Variants in KIT observed in about 807,000 individuals in gnomAD.
The protein encoded by KIT is mast/stem cell growth factor receptor Kit.
KIT carries 16 observed loss-of-function variants against 105.7 expected under a neutral mutation model. The ratio of observed to expected loss-of-function variants is 0.15; its 90% confidence interval spans 0.10 to 0.23. KIT has a LOEUF of 0.23. Ranked by LOEUF, KIT falls within the 10% of genes least tolerant of loss-of-function variation. KIT has a pLI of 1.00. For synonymous variants in KIT, 438 were observed against 441.1 expected (o/e 0.99, Z 0.09); for missense variants, 858 against 1,213.8 (o/e 0.71, Z 4.36).
chr4:54,697,135 A>C (rs142913569), intron 2 of KIT, among the ~76,000 whole-genome samples: 40 of 152,312 alleles, frequency 2.6e-4, no homozygotes, highest in African/African-American at 8.9e-4. Flanking sequence ...TAGGAGCTAG[A>C]CTCAAGTGAC....
chr4:54,711,899 A>C (rs1304452252), intron 7 of KIT, among the ~76,000 whole-genome samples: 2 of 150,908 alleles, frequency 1.3e-5, no homozygotes, highest in African/African-American at 4.9e-5. Flanking sequence ...GTTGCACTCC[A>C]GCCTGGGCGA....
At chr4:54,689,181 A>T (rs1324950960) in intron 1 of KIT, among the ~76,000 whole-genome samples, 1 of 152,236 alleles carries the variant, frequency 6.6e-6, no homozygotes, top group African/African-American at 2.4e-5. Context: ...AGCGACCCAT[A>T]TAAAGCCTTT....
intron 1 of KIT, among the ~76,000 whole-genome samples, chr4:54,668,384 G>A (rs912456726): frequency 1.3e-5 from 2 of 152,228 alleles, no homozygotes; most frequent in African/African-American, 4.8e-5. Flanking sequence ...CCTTTACCTT[G>A]TATTTTAAAT....
chr4:54,696,995 C>T (rs1720114170), intron 2 of KIT, among the ~76,000 whole-genome samples: 1 of 152,200 alleles, frequency 6.6e-6, no homozygotes, highest in Admixed American at 6.5e-5. Context: ...TCTAACAGGG[C>T]TCACAAACAT....
At chr4:54,660,902 G>A (rs1244491591) in intron 1 of KIT, among the ~76,000 whole-genome samples, 1 of 152,148 alleles carries the variant, frequency 6.6e-6, no homozygotes, top group Non-Finnish European at 1.5e-5. Flanking sequence ...ATACAGGATG[G>A]CCAATGTCAC....
chr4:54,685,523 G>A (rs915547601), intron 1 of KIT, among the ~76,000 whole-genome samples: 1 of 152,040 alleles, frequency 6.6e-6, no homozygotes, highest in Non-Finnish European at 1.5e-5. Flanking sequence ...CTCTTTTCTG[G>A]GTCGCTGACT....
intron 17 of KIT, among the ~76,000 whole-genome samples, chr4:54,736,268 C>T (rs1236213724): frequency 1.3e-5 from 2 of 152,122 alleles, no homozygotes; most frequent in African/African-American, 2.4e-5. Flanking sequence ...ATCTCCATGC[C>T]GTACTGACAT....
chr4:54,697,862 C>T (rs1401028545), intron 2 of KIT, among the ~76,000 whole-genome samples: 1 of 152,140 alleles, frequency 6.6e-6, no homozygotes, highest in Non-Finnish European at 1.5e-5. Context: ...CAGATGATCC[C>T]TGGAGTTGTA....
At position 54,705,075 on chromosome 4, in the gene KIT, A is replaced by G. The variant is rs563060474; in HGVS notation, c.925+1183A>G. The stretch of plus-strand genomic sequence containing the variant: ...CATTTATTAATTTGAATAGAAGGCT[A>G]TGCTTTTAAAATATTAAACTCCATA... On this transcript the variant is annotated intron_variant, in intron 5 of 20. Transcript: ENST00000288135. 7.7e-4 allele frequency among the ~76,000 whole-genome samples: 117 copies of G among 152,372 alleles called. 1 individual carries two copies. The highest frequency in any genetic ancestry group is 2.5e-3 in the African/African-American group (105 of 41,594).
Position 54,739,586 on chromosome 4 carries a change from T to A in KIT, c.*1029T>A. On this transcript the variant is annotated 3_prime_UTR_variant, in exon 21 of 21. Transcript: ENST00000288135. The stretch of plus-strand genomic sequence containing the variant: ...ACACTGCCATCTTAGTTTGGATTCT[T>A]ATGTAGCAGGAAATAAAGTATAGGT... 1 of 233,544 alleles carries A rather than the reference T, an allele frequency of 4.3e-6. No homozygotes were observed. Among genetic ancestry groups the A allele is most frequent in the Non-Finnish European group, 8.5e-6 (1 of 117,936 alleles). 14.5% of individuals were successfully genotyped at this position (233,544 alleles called of 1,614,324 possible). A position where few individuals can be genotyped will look rare whatever the true frequency, so the allele number is the denominator to read the frequency against.
intron 5 of KIT, among the ~76,000 whole-genome samples, chr4:54,705,181 G>T (rs1285090899): frequency 6.6e-6 from 1 of 152,178 alleles, no homozygotes; most frequent in African/African-American, 2.4e-5. Context: ...AGGATGTTTT[G>T]AGAACATTGT....
chr4:54,700,629 T>A (rs1234591414), intron 4 of KIT, among the ~76,000 whole-genome samples: 1 of 152,136 alleles, frequency 6.6e-6, no homozygotes, highest in Non-Finnish European at 1.5e-5. Context: ...TCATTACCCA[T>A]GCAAGCATTA....
chr4:54,729,262 G>C (rs1722432867), intron 13 of KIT, 73 bp from the exon 14 acceptor site: 1 of 1,522,244 alleles, frequency 6.6e-7, no homozygotes, highest in Non-Finnish European at 9.1e-7. Context: ...GACCACCCTT[G>C]GGTATTTTTA....
intron 1 of KIT, among the ~76,000 whole-genome samples, chr4:54,690,467 G>A (rs1719631772): frequency 6.6e-6 from 1 of 152,304 alleles, no homozygotes; most frequent in Admixed American, 6.5e-5. Context: ...TGAATAAATA[G>A]TTCCCGGAGT....
intron 4 of KIT, among the ~76,000 whole-genome samples, chr4:54,701,267 T>C (rs1720437154): frequency 6.6e-6 from 1 of 152,230 alleles, no homozygotes; most frequent in Admixed American, 6.5e-5. Context: ...AAACAATATG[T>C]AATGTGTGAC....
intron 7 of KIT, among the ~76,000 whole-genome samples, chr4:54,709,980 A>G (rs1474646464): frequency 6.6e-6 from 1 of 152,080 alleles, no homozygotes; most frequent in Non-Finnish European, 1.5e-5. Context: ...TTGTGTTTAG[A>G]TTGTTCTTCC....
At position 54,738,577 on chromosome 4, in the gene KIT, C is replaced by T. The variant is rs766898265; in HGVS notation, c.*20C>T. 3 of 1,613,312 alleles carry T rather than the reference C, an allele frequency of 1.9e-6. No homozygotes were observed. The South Asian group carries it at 3.3e-5, about 18-fold the overall frequency. On this transcript the variant is annotated 3_prime_UTR_variant, in exon 21 of 21. Transcript: ENST00000288135. ...GTCTGAGCAGAATCAGTGTTTGGGT[C>T]ACCCCTCCAGGAATGATCTCTTCTT...
intron 1 of KIT, among the ~76,000 whole-genome samples, chr4:54,669,384 C>T (rs551139763): frequency 6.6e-6 from 1 of 152,334 alleles, no homozygotes; most frequent in Admixed American, 6.5e-5. Flanking sequence ...TGGCCCAGAG[C>T]ATTGTGTGTG....
rs1015321577 is a variant in KIT at position 54,686,376 on chromosome 4, C to A, written c.68-9136C>A. On this transcript the variant is annotated intron_variant, in intron 1 of 20. Coordinates refer to ENST00000288135, the MANE Select transcript of KIT (RefSeq NM_000222.3). ...TCATGTACATAATACAGTACTGAGA[C>A]CTGGCATGCAGATAGAACATATCTT... Among the ~76,000 whole-genome samples the A allele has an allele frequency of 5.9e-5, 9 of 152,122 alleles. No homozygotes were observed. The East Asian group carries it at 1.5e-3, about 26-fold the overall frequency.
Sources: gnomAD v4.1 joint callset for allele counts (sites outside exome capture counted in the v4.1 genomes callset) on GRCh38, gnomAD v4.1.1 for gene constraint, MANE v1.5 for transcripts, NCBI Gene and HGNC (gene_info 2026-07-23, HGNC 2026-07-21) for gene names.